Variants in APBB2 observed in about 807,000 individuals in gnomAD.
The protein encoded by APBB2 is Fe65-like 1.
In APBB2, 38 loss-of-function variants were observed where a neutral mutation model predicts 82.5. The ratio of observed to expected loss-of-function variants is 0.46; its 90% CI spans 0.36 to 0.60. The LOEUF is 0.60. Among genes scored for constraint, APBB2 ranks in the 20% least tolerant of loss-of-function variants. The pLI is 0.00. For missense variants in APBB2, 772 were observed against 972.3 expected (o/e 0.79, Z 2.74); for synonymous variants, 341 against 368.2 (o/e 0.93, Z 0.85).
At chr4:40,914,211 A>T (rs1779285384) in intron 10 of APBB2, among the ~76,000 whole-genome samples, 2 of 152,116 alleles carry the variant, frequency 1.3e-5, no homozygotes. Context: ...TCTACTAAAA[A>T]TACAAAAAAA....
rs560303131 is a variant in APBB2, at chr4:40,885,131, T to G, written c.1529+5233A>C. On this transcript the variant is annotated intron_variant, in intron 12 of 17. Coordinates refer to ENST00000508593, the MANE Select transcript of APBB2 (RefSeq NM_004307.2). ...TGTTTAAAAAGCACTGCACACATCA[T>G]GACTGTTGATGGTTGTGTGAGAAAA... Among the ~76,000 whole-genome samples, 4 of 152,334 alleles carry G rather than the reference T, an allele frequency of 2.6e-5. No homozygotes were observed. The South Asian group carries it at 6.2e-4, about 24-fold the overall frequency.
At chr4:40,816,410 G>T in intron 17 of APBB2, 151 bp from the exon 18 acceptor site, 2 of 898,864 alleles carry the variant, frequency 2.2e-6, no homozygotes, top group Non-Finnish European at 3.3e-6. Context: ...TTCTCTGAAT[G>T]TGAGTGCTTT....
intron 1 of APBB2, among the ~76,000 whole-genome samples, chr4:41,168,763 C>T (rs986680567): frequency 1.3e-5 from 2 of 152,140 alleles, no homozygotes; most frequent in South Asian, 4.1e-4. Flanking sequence ...ATTACCTTTA[C>T]TGTTTAAACT....
intron 7 of APBB2, 60 bp from the exon 8 acceptor site, chr4:40,935,199 AAAG>A (rs1310952561): frequency 1.3e-5 from 15 of 1,147,950 alleles, no homozygotes; most frequent in Middle Eastern, 2.0e-4. Flanking sequence ...AAAGAAAAGA[AAAG>A]AAAAAAAAAA....
intron 12 of APBB2, among the ~76,000 whole-genome samples, chr4:40,845,519 T>C (rs968779946): frequency 7.7e-6 from 1 of 130,636 alleles, no homozygotes; most frequent in African/African-American, 3.0e-5. Flanking sequence ...ATGTTTTCAT[T>C]AATATAAGCC....
At chr4:41,071,541 C>T (rs987978273) in intron 3 of APBB2, among the ~76,000 whole-genome samples, 1 of 151,958 alleles carries the variant, frequency 6.6e-6, no homozygotes, top group Non-Finnish European at 1.5e-5. Flanking sequence ...ATTAGCCAGG[C>T]GTGGTGGCGG....
chr4:41,088,159 T>C (rs1740468134), intron 3 of APBB2, among the ~76,000 whole-genome samples: 1 of 152,240 alleles, frequency 6.6e-6, no homozygotes, highest in Non-Finnish European at 1.5e-5. Context: ...AGGTACTTGA[T>C]GTCTCCAAGG....
At chr4:41,064,018 G>A (rs551775631) in intron 4 of APBB2, among the ~76,000 whole-genome samples, 10 of 128,676 alleles carry the variant, frequency 7.8e-5, no homozygotes, top group South Asian at 2.5e-4. Context: ...GTGCTGTGTC[G>A]CCCAGGCTGG....
intron 2 of APBB2, among the ~76,000 whole-genome samples, chr4:41,134,309 G>A (rs1433367529): frequency 6.6e-6 from 1 of 152,094 alleles, no homozygotes; most frequent in Non-Finnish European, 1.5e-5. Flanking sequence ...GCCGGGCGCA[G>A]TGGCTCATGC....
rs1025244458 is a variant in APBB2 at position 40,811,338 on chromosome 4, G to A, written c.*4754C>T. 9 of 152,176 alleles carry A rather than the reference G, an allele frequency of 5.9e-5. No individual in the cohort carries two copies. Among genetic ancestry groups the A allele is most frequent in the South Asian group, 2.1e-4 (1 of 4,828 alleles). The allele number at this position is 152,176 out of a possible 1,614,324, so 9.4% of individuals were successfully genotyped here. ...GGAGGTTGGGGCGGGCGGATCACCT[G>A]AGGTCAGGAGTTCGAGACCAGCCTG... On this transcript the variant is annotated 3_prime_UTR_variant, in exon 18 of 18. Coordinates refer to ENST00000508593, the MANE Select transcript of APBB2 (RefSeq NM_004307.2).
At position 41,000,057 on chromosome 4, in the gene APBB2, A is replaced by G. The variant is rs1306363421; in HGVS notation, c.835+13526T>C. ...TGTGTGTGTGTGTATGTATATGTATATATATGTGTGTATGTGTGTGTGTGT... is the reference window on the plus strand; with the variant it reads ...TGTGTGTGTGTGTATGTATATGTATGTATATGTGTGTATGTGTGTGTGTGT... On this transcript the variant is annotated intron_variant, in intron 6 of 17. Coordinates refer to ENST00000508593, the MANE Select transcript of APBB2 (RefSeq NM_004307.2). 7.0e-5 allele frequency among the ~76,000 whole-genome samples: 6 copies of G among 86,310 alleles called. 1 individual carries two copies. The highest frequency in any genetic ancestry group is 8.8e-4 in the South Asian group (2 of 2,278). 56.6% of individuals were successfully genotyped at this position (86,310 alleles called of 152,430 possible).
chr4:40,948,586 TC>T (rs764468736), intron 6 of APBB2, among the ~76,000 whole-genome samples: 7 of 151,412 alleles, frequency 4.6e-5, no homozygotes, highest in Non-Finnish European at 1.0e-4. Context: ...CATGGTGAAA[TC>T]CTGTCTCTAC....
At chr4:40,935,375 A>G in intron 7 of APBB2, 1 of 489,836 alleles carries the variant, frequency 2.0e-6, no homozygotes, top group Non-Finnish European at 3.6e-6. Context: ...ATAAATGACT[A>G]AACATTATTA....
At chr4:41,019,393 G>T (rs956177898) in intron 5 of APBB2, among the ~76,000 whole-genome samples, 3 of 152,160 alleles carry the variant, frequency 2.0e-5, no homozygotes, top group Non-Finnish European at 4.4e-5. Flanking sequence ...CGCTAGGAGG[G>T]AAGAGAGGCG....
chr4:41,030,543 G>C (rs1461124178), intron 5 of APBB2, among the ~76,000 whole-genome samples: 1 of 152,110 alleles, frequency 6.6e-6, no homozygotes, highest in Non-Finnish European at 1.5e-5. Flanking sequence ...GGAGCTACAG[G>C]TATGCACCAC....
chr4:41,092,030 T>C (rs1256265510), intron 3 of APBB2, among the ~76,000 whole-genome samples: 1 of 152,182 alleles, frequency 6.6e-6, no homozygotes, highest in African/African-American at 2.4e-5. Flanking sequence ...AATAAAAGAA[T>C]AAATTGCCAT....
intron 1 of APBB2, chr4:41,194,249 GAGTT>G: frequency 6.6e-6 from 1 of 152,254 alleles, no homozygotes; most frequent in Non-Finnish European, 1.5e-5. Context: ...TTGAACCCAG[GAGTT>G]CAAGGCTGCA....
intron 1 of APBB2, among the ~76,000 whole-genome samples, chr4:41,171,097 C>T (rs1768107675): frequency 6.6e-6 from 1 of 152,146 alleles, no homozygotes; most frequent in African/African-American, 2.4e-5. Context: ...GGCTTGCCTC[C>T]AGAACTCCTG....
At chr4:41,028,376 G>A (rs1481999549) in intron 5 of APBB2, among the ~76,000 whole-genome samples, 1 of 152,210 alleles carries the variant, frequency 6.6e-6, no homozygotes, top group Non-Finnish European at 1.5e-5. Context: ...CTGGTTCAAG[G>A]AAAAGCTTAT....
Sources: allele counts gnomAD v4.1 joint callset (sites outside exome capture counted in the v4.1 genomes callset), GRCh38; gene constraint gnomAD v4.1.1; transcripts MANE v1.5; gene names NCBI Gene and HGNC (gene_info 2026-07-23, HGNC 2026-07-21).